ULK4: variants seen among roughly 807,000 people sequenced by gnomAD.
The protein encoded by ULK4 is unc-51 like kinase 4, also known as inactive serine/threonine-protein kinase ULK4.
Under a neutral mutation model 160.6 loss-of-function variants are expected in ULK4, and 133 were observed. The observed-to-expected ratio is 0.83, with a 90% CI of 0.72 to 0.96. The LOEUF (loss-of-function observed/expected upper bound fraction) is 0.96, where lower values mean the gene tolerates loss of function less well. ULK4 is among the 40% of genes least tolerant of loss of function. The pLI is 0.00. For missense variants in ULK4, 1,580 were observed against 1,499.5 expected (o/e 1.05, Z -0.89); for synonymous variants, 534 against 539.8 (o/e 0.99, Z 0.15).
At chr3:41,836,321 C>T (rs1290794136) in intron 17 of ULK4, among the ~76,000 whole-genome samples, 21 of 151,976 alleles carry the variant, frequency 1.4e-4, no homozygotes, top group South Asian at 2.1e-4. Context: ...TACAAGCGCA[C>T]GCCACCAAGT....
rs183336461 is a variant in ULK4 at position 41,754,746 on chromosome 3, A to C, written c.2194-258T>G. On this transcript the variant is annotated intron_variant, in intron 21 of 36. Transcript: ENST00000301831. ...AAAATGAATATGGAAAAATTAAGCA[A>C]TTTACCCAAATTCAGAGTTGGATAA... Among the ~76,000 whole-genome samples the C allele has an allele frequency of 2.6e-3, 390 of 152,324 alleles. 1 individual carries two copies. Among genetic ancestry groups the C allele is most frequent in the Non-Finnish European group, 4.3e-3 (292 of 68,022 alleles).
intron 4 of ULK4, among the ~76,000 whole-genome samples, chr3:41,932,350 A>G (rs1366812896): frequency 4.6e-5 from 7 of 152,218 alleles, no homozygotes; most frequent in African/African-American, 9.6e-5. Flanking sequence ...TGAAAACCCA[A>G]CTGCCTGAGG....
intron 32 of ULK4, among the ~76,000 whole-genome samples, chr3:41,493,352 C>A (rs1477875261): frequency 6.9e-6 from 1 of 144,886 alleles, no homozygotes; most frequent in East Asian, 1.9e-4. Flanking sequence ...GAAATGAAGG[C>A]AGAAATAAAG....
intron 2 of ULK4, among the ~76,000 whole-genome samples, chr3:41,951,259 C>T (rs747574455): frequency 3.4e-5 from 5 of 148,082 alleles, no homozygotes; most frequent in Non-Finnish European, 6.0e-5. Flanking sequence ...TACCCAAAAT[C>T]AATCTATCCA....
At chr3:41,954,854 TAA>T in intron 1 of ULK4, 47 bp from the exon 2 acceptor site, 3 of 1,254,780 alleles carry the variant, frequency 2.4e-6, no homozygotes, top group Non-Finnish European at 3.3e-6. Context: ...GTTAGTTGCA[TAA>T]TTAATTAGCC....
At chr3:41,883,698 A>G (rs1035647094) in intron 17 of ULK4, among the ~76,000 whole-genome samples, 176 bp downstream of exon 17, 4 of 152,214 alleles carry the variant, frequency 2.6e-5, no homozygotes, top group Non-Finnish European at 5.9e-5. Flanking sequence ...ACTACATTGT[A>G]TATGTGCTGC....
intron 31 of ULK4, among the ~76,000 whole-genome samples, chr3:41,572,942 G>A (rs565423863): frequency 1.3e-5 from 2 of 152,178 alleles, no homozygotes; most frequent in South Asian, 2.1e-4. Flanking sequence ...AAGAGGAAAC[G>A]ACTCACAGAA....
At chr3:41,722,959 A>C (rs1271460996) in intron 22 of ULK4, among the ~76,000 whole-genome samples, 1 of 152,082 alleles carries the variant, frequency 6.6e-6, no homozygotes, top group African/African-American at 2.4e-5. Context: ...GGAAACTCAA[A>C]TATTCAACTT....
intron 2 of ULK4, among the ~76,000 whole-genome samples, chr3:41,949,234 G>A (rs6768581): frequency 0.046 from 7,035 of 151,806 alleles, 491 homozygotes; most frequent in African/African-American, 0.16. Context: ...GTTTGAACCT[G>A]GGAGGCAAAG....
chr3:41,693,387 T>G (rs1028109871), intron 27 of ULK4, among the ~76,000 whole-genome samples: 1 of 152,180 alleles, frequency 6.6e-6, no homozygotes. Context: ...AAACTAAATA[T>G]GAACAAGGTT....
At chr3:41,433,168 C>T (rs752973176) in intron 34 of ULK4, among the ~76,000 whole-genome samples, 4 of 152,096 alleles carry the variant, frequency 2.6e-5, no homozygotes, top group Non-Finnish European at 5.9e-5. Flanking sequence ...AGTAGAAAAA[C>T]ATGAGCAAGG....
intron 18 of ULK4, among the ~76,000 whole-genome samples, chr3:41,824,472 C>T (rs142348009): frequency 1.3e-5 from 2 of 152,262 alleles, no homozygotes; most frequent in East Asian, 3.9e-4. Context: ...CACCCTAATA[C>T]TGCACTTTTC....
At chr3:41,401,946 G>C (rs1430176351) in intron 34 of ULK4, among the ~76,000 whole-genome samples, 1 of 152,062 alleles carries the variant, frequency 6.6e-6, no homozygotes, top group Non-Finnish European at 1.5e-5. Context: ...TAGCACACTA[G>C]GATCTTTTTC....
At chr3:41,395,330 A>G (rs754403514) in intron 35 of ULK4, among the ~76,000 whole-genome samples, 4 of 152,258 alleles carry the variant, frequency 2.6e-5, no homozygotes, top group Admixed American at 6.5e-5. Context: ...AATAACAGAG[A>G]TAAGTTTTAA....
chr3:41,254,335 A>G (rs953003032), intron 35 of ULK4, among the ~76,000 whole-genome samples: 3 of 152,250 alleles, frequency 2.0e-5, no homozygotes, highest in Non-Finnish European at 4.4e-5. Flanking sequence ...ATTAATAACC[A>G]AGATAACAGG....
chr3:41,307,469 G>C (rs2079969918), intron 35 of ULK4, among the ~76,000 whole-genome samples: 1 of 152,142 alleles, frequency 6.6e-6, no homozygotes, highest in East Asian at 1.9e-4. Context: ...TTAGAGACTG[G>C]ATAGACTAAA....
chr3:41,826,563 G>A (rs1228677845), intron 18 of ULK4, among the ~76,000 whole-genome samples: 2 of 148,166 alleles, frequency 1.3e-5, no homozygotes, highest in East Asian at 3.9e-4. Flanking sequence ...AGACAAAGAA[G>A]GCCATTATAT....
In ULK4 at chr3:41,249,587, G is replaced by A. The variant is rs567275793; in HGVS notation, c.3679-13C>T. 6 of 1,612,558 alleles carry A rather than the reference G, an allele frequency of 3.7e-6. No homozygotes were observed. The highest frequency in any genetic ancestry group is 3.3e-5 in the South Asian group (3 of 90,662). ...CATTGGAGGTGATCTGCAAGGGCAG[G>A]AGGAAGAAGACAGTGGTCAGCTGAC... On this transcript the variant is annotated splice_polypyrimidine_tract_variant and intron_variant, in intron 35 of 36. Transcript: ENST00000301831.
At chr3:41,269,957 G>C (rs1312716229) in intron 35 of ULK4, among the ~76,000 whole-genome samples, 1 of 152,074 alleles carries the variant, frequency 6.6e-6, no homozygotes, top group Non-Finnish European at 1.5e-5. Context: ...TTATCAGTAT[G>C]AACTGACATG....
Sources: allele counts gnomAD v4.1 joint callset (sites outside exome capture counted in the v4.1 genomes callset), GRCh38; gene constraint gnomAD v4.1.1; transcripts MANE v1.5; gene names NCBI Gene and HGNC (gene_info 2026-07-23, HGNC 2026-07-21).